EXT1: variants seen among roughly 807,000 people sequenced by gnomAD.
EXT1 encodes exostosin glycosyltransferase 1.
EXT1 carries 20 observed loss-of-function variants against 82.5 expected under a neutral mutation model. The observed-to-expected ratio is 0.24, with a 90% CI of 0.17 to 0.35. The LOEUF is 0.35. EXT1 is among the 10% of genes least tolerant of loss of function. EXT1 has a pLI of 1.00. For synonymous variants in EXT1, 348 were observed against 350.8 expected, an observed-to-expected ratio of 0.99 and a Z score of 0.09; for missense variants, 757 against 936.5, an observed-to-expected ratio of 0.81 and a Z score of 2.50.
At chr8:118,080,181 C>T (rs951110242) in intron 1 of EXT1, among the ~76,000 whole-genome samples, 1 of 152,174 alleles carries the variant, frequency 6.6e-6, no homozygotes, top group African/African-American at 2.4e-5. Context: ...TGGAGGACGC[C>T]TCCACAAATT....
At chr8:118,105,106 C>G (rs1207504187) in intron 1 of EXT1, among the ~76,000 whole-genome samples, 1 of 152,192 alleles carries the variant, frequency 6.6e-6, no homozygotes, top group Non-Finnish European at 1.5e-5. Flanking sequence ...CCTGAGAAGA[C>G]ACCTTCAAGA....
intron 1 of EXT1, among the ~76,000 whole-genome samples, chr8:118,082,285 TC>T (rs142554337): frequency 0.015 from 2,343 of 152,274 alleles, 61 homozygotes; most frequent in African/African-American, 0.054. Flanking sequence ...TTCTAAACTT[TC>T]GCATCATGCA....
intron 1 of EXT1, among the ~76,000 whole-genome samples, chr8:117,947,341 AG>A (rs1814409766): frequency 6.6e-6 from 1 of 152,170 alleles, no homozygotes; most frequent in Non-Finnish European, 1.5e-5. Flanking sequence ...ATTTCTTTTG[AG>A]GTAATGTTTA....
At chr8:118,098,365 T>C (rs1288141142) in intron 1 of EXT1, among the ~76,000 whole-genome samples, 2 of 152,026 alleles carry the variant, frequency 1.3e-5, no homozygotes, top group Non-Finnish European at 2.9e-5. Context: ...ATGCCACGCC[T>C]TAGGCAGGCA....
rs1182215433 is a variant in EXT1 at position 118,056,968 on chromosome 8, C to G, written c.962+53117G>C. On this transcript the variant is annotated intron_variant, in intron 1 of 10. Coordinates refer to ENST00000378204, the MANE Select transcript of EXT1 (RefSeq NM_000127.3). ...TTACCAAAAAGCCATGGAGGTGTGACTTGGTTTCCTAAACACAGGCCCTGG... is the reference window on the plus strand; with the variant it reads ...TTACCAAAAAGCCATGGAGGTGTGAGTTGGTTTCCTAAACACAGGCCCTGG... 3.3e-5 allele frequency among the ~76,000 whole-genome samples: 5 copies of G among 152,216 alleles called. No homozygotes were observed. In the East Asian group the frequency reaches 5.8e-4, roughly 18 times the overall value.
At chr8:117,834,974 C>T (rs1812164584) in intron 3 of EXT1, among the ~76,000 whole-genome samples, 1 of 152,066 alleles carries the variant, frequency 6.6e-6, no homozygotes, top group Non-Finnish European at 1.5e-5. Context: ...AAATATAAAT[C>T]CTAAAGATAA....
At chr8:118,099,496 A>C (rs1342337169) in intron 1 of EXT1, among the ~76,000 whole-genome samples, 1 of 152,234 alleles carries the variant, frequency 6.6e-6, no homozygotes, top group Non-Finnish European at 1.5e-5. Context: ...TCTAGAAATC[A>C]ATCATACTAT....
At chr8:117,847,092 G>T (rs17430315) in intron 1 of EXT1, among the ~76,000 whole-genome samples, 1 of 151,924 alleles carries the variant, frequency 6.6e-6, no homozygotes, top group Non-Finnish European at 1.5e-5. Context: ...TACCTTAAGG[G>T]CCGGCCTACT....
chr8:117,946,044 C>T (rs1036540027), intron 1 of EXT1, among the ~76,000 whole-genome samples: 6 of 152,112 alleles, frequency 3.9e-5, no homozygotes, highest in Admixed American at 2.0e-4. Flanking sequence ...GGATTATAGG[C>T]GCGTGCCACC....
At chr8:117,989,043 C>A (rs1179702595) in intron 1 of EXT1, among the ~76,000 whole-genome samples, 5 of 140,028 alleles carry the variant, frequency 3.6e-5, no homozygotes, top group Non-Finnish European at 7.6e-5. Context: ...CTGGGCCACA[C>A]AGCTAGACCC....
At chr8:118,052,722 G>C (rs1271843882) in intron 1 of EXT1, among the ~76,000 whole-genome samples, 2 of 152,226 alleles carry the variant, frequency 1.3e-5, no homozygotes, top group African/African-American at 4.8e-5. Context: ...TTCCAAAGCA[G>C]CATAGGTTCA....
chr8:117,942,384 T>C (rs1208415951), intron 1 of EXT1, among the ~76,000 whole-genome samples: 1 of 152,186 alleles, frequency 6.6e-6, no homozygotes, highest in Non-Finnish European at 1.5e-5. Flanking sequence ...CCCCAGAACC[T>C]AGCACAGAGG....
intron 1 of EXT1, among the ~76,000 whole-genome samples, chr8:117,919,048 C>G (rs547407114): frequency 6.6e-6 from 1 of 152,084 alleles, no homozygotes; most frequent in Non-Finnish European, 1.5e-5. Flanking sequence ...TACAGCTTAC[C>G]TCTCCTGTGG....
At chr8:117,997,763 T>C (rs1815577010) in intron 1 of EXT1, among the ~76,000 whole-genome samples, 3 of 152,144 alleles carry the variant, frequency 2.0e-5, no homozygotes, top group Admixed American at 2.0e-4. Context: ...TCTGATGATA[T>C]TTTATAAGTT....
At chr8:117,851,241 A>G (rs1204048247) in intron 1 of EXT1, among the ~76,000 whole-genome samples, 1 of 152,160 alleles carries the variant, frequency 6.6e-6, no homozygotes, top group Non-Finnish European at 1.5e-5. Flanking sequence ...AACTTACCCA[A>G]GATATCACCA....
chr8:117,882,808 C>G (rs1419710405), intron 1 of EXT1, among the ~76,000 whole-genome samples: 2 of 151,690 alleles, frequency 1.3e-5, no homozygotes, highest in African/African-American at 4.8e-5. Flanking sequence ...GAAACCCTGT[C>G]TCTACTAAAA....
chr8:118,103,120 T>C (rs923739156), intron 1 of EXT1, among the ~76,000 whole-genome samples: 5 of 152,028 alleles, frequency 3.3e-5, no homozygotes, highest in Non-Finnish European at 7.4e-5. Flanking sequence ...CCTATTGCAC[T>C]CCAGCCTGGG....
rs2129964307 is a variant in EXT1 at position 118,071,948 on chromosome 8, T to G, written c.962+38137A>C. On this transcript the variant is annotated intron_variant, in intron 1 of 10. Transcript: ENST00000378204. ...AGATGATGCACCTTGCCCAAGGTCC[T>G]AATTACACAGGTGAGTAGGTTAAAA... is the stretch of plus-strand genomic sequence containing the variant. 2.0e-5 allele frequency among the ~76,000 whole-genome samples: 3 copies of G among 152,312 alleles called. No homozygotes were observed. In the South Asian group the frequency reaches 6.2e-4, roughly 32 times the overall value.
intron 5 of EXT1, among the ~76,000 whole-genome samples, chr8:117,820,492 C>T (rs991272878): frequency 5.9e-5 from 9 of 152,080 alleles, no homozygotes; most frequent in Admixed American, 2.0e-4. Context: ...AGTTCAAGAC[C>T]GGCCTGGCCA....
Sources: gnomAD v4.1 joint callset for allele counts (sites outside exome capture counted in the v4.1 genomes callset) on GRCh38, gnomAD v4.1.1 for gene constraint, MANE v1.5 for transcripts, NCBI Gene and HGNC (gene_info 2026-07-23, HGNC 2026-07-21) for gene names.